The following TANGO6 variants were observed in gnomAD, a reference collection of about 807,000 sequenced individuals.
TANGO6 encodes transport and golgi organization 6 homolog.
Under a neutral mutation model 114.2 loss-of-function variants are expected in TANGO6, and 90 were observed. The observed-to-expected ratio is 0.79, with a 90% confidence interval of 0.66 to 0.94. The LOEUF is 0.94. Among genes scored for constraint, TANGO6 ranks in the 40% least tolerant of loss-of-function variants. TANGO6 has a pLI of 0.00. For missense variants in TANGO6, 1,274 were observed against 1,315.3 expected (o/e 0.97, Z 0.49); for synonymous variants, 477 against 509.8 (o/e 0.94, Z 0.87).
chr16:69,073,758 C>T (rs1960331099), intron 17 of TANGO6, among the ~76,000 whole-genome samples: 1 of 152,022 alleles, frequency 6.6e-6, no homozygotes, highest in Non-Finnish European at 1.5e-5. Flanking sequence ...TGTTTGAGAC[C>T]AGCCTGGCCA....
At chr16:69,066,970 C>T (rs1441858511) in intron 17 of TANGO6, among the ~76,000 whole-genome samples, 1 of 152,154 alleles carries the variant, frequency 6.6e-6, no homozygotes, top group East Asian at 1.9e-4. Context: ...AATCACGGCT[C>T]AGTATAGCCT....
At chr16:68,900,646 T>A in intron 8 of TANGO6, 100 bp downstream of exon 8, 1 of 965,942 alleles carries the variant, frequency 1.0e-6, no homozygotes, top group Non-Finnish European at 1.6e-6. Flanking sequence ...ACTTTGAAAT[T>A]ATCATTTCCT....
At chr16:69,071,695 TCAAA>T (rs562148333) in intron 17 of TANGO6, among the ~76,000 whole-genome samples, 14 of 152,230 alleles carry the variant, frequency 9.2e-5, no homozygotes, top group Non-Finnish European at 2.1e-4. Flanking sequence ...GTTTTTATAA[TCAAA>T]CAAATCAATT....
chr16:69,027,695 C>A (rs1247938015), intron 16 of TANGO6, among the ~76,000 whole-genome samples: 2 of 151,488 alleles, frequency 1.3e-5, no homozygotes, highest in South Asian at 4.2e-4. Flanking sequence ...TCTCTATTTT[C>A]TTGGTCTCTT....
intron 1 of TANGO6, among the ~76,000 whole-genome samples, chr16:68,858,026 A>C (rs938965921): frequency 2.6e-5 from 4 of 151,866 alleles, no homozygotes; most frequent in Non-Finnish European, 5.9e-5. Flanking sequence ...ATGATTCATC[A>C]GTGAAACCAT....
intron 11 of TANGO6, among the ~76,000 whole-genome samples, chr16:68,911,670 G>C (rs537617933): frequency 1.3e-5 from 2 of 152,106 alleles, no homozygotes; most frequent in South Asian, 4.2e-4. Flanking sequence ...ACCTGTCTCG[G>C]CCCAAAGTGC....
chr16:68,946,325 G>C (rs896386117), intron 14 of TANGO6, among the ~76,000 whole-genome samples: 4 of 151,760 alleles, frequency 2.6e-5, no homozygotes, highest in Admixed American at 6.6e-5. Flanking sequence ...CCGAGTAGCT[G>C]GGACTACAGG....
At chr16:68,898,946 CTTATTATTATTATTATTA>C (rs143073228) in intron 7 of TANGO6, among the ~76,000 whole-genome samples, 1 of 144,966 alleles carries the variant, frequency 6.9e-6, no homozygotes, top group Non-Finnish European at 1.5e-5. Context: ...AATTATCTGC[CTTATTATTATTATTATTA>C]TTATTATTAT....
intron 15 of TANGO6, among the ~76,000 whole-genome samples, chr16:68,974,875 G>C (rs1963747713): frequency 1.3e-5 from 2 of 152,038 alleles, no homozygotes; most frequent in Admixed American, 1.3e-4. Flanking sequence ...AGTCCAGCCT[G>C]GGTAACATGG....
intron 17 of TANGO6, among the ~76,000 whole-genome samples, chr16:69,075,169 G>C (rs956775932): frequency 1.4e-5 from 2 of 147,864 alleles, no homozygotes; most frequent in African/African-American, 5.0e-5. Flanking sequence ...TCCTTCCAAA[G>C]TCTGCTTTTT....
chr16:68,946,316 C>T lies in TANGO6; in HGVS notation c.2701+16021C>T, dbSNP rs140592225. On this transcript the variant is annotated intron_variant, in intron 14 of 17. Coordinates refer to ENST00000261778, the MANE Select transcript of TANGO6 (RefSeq NM_024562.2). ...ACGCCATTCTCCTGCCTCAGCCTCC[C>T]GAGTAGCTGGGACTACAGGCTCCCA... 2.6e-3 allele frequency among the ~76,000 whole-genome samples: 389 copies of T among 152,024 alleles called. 5 individuals carry two copies. The highest frequency in any genetic ancestry group is 8.9e-3 in the African/African-American group (370 of 41,462).
intron 15 of TANGO6, among the ~76,000 whole-genome samples, chr16:68,977,360 AATTTATTT>A (rs1167519571): frequency 6.6e-6 from 1 of 151,236 alleles, no homozygotes. Context: ...CAGAGAGTGA[AATTTATTT>A]ATTTATTTAT....
intron 7 of TANGO6, among the ~76,000 whole-genome samples, chr16:68,896,543 A>C (rs1321869953): frequency 6.6e-6 from 1 of 151,736 alleles, no homozygotes; most frequent in Non-Finnish European, 1.5e-5. Context: ...ACTCCTGGGC[A>C]CAAGTGATCT....
intron 7 of TANGO6, among the ~76,000 whole-genome samples, chr16:68,882,462 A>C (rs182960686): frequency 1.3e-4 from 19 of 151,878 alleles, no homozygotes; most frequent in Middle Eastern, 3.4e-3. Flanking sequence ...GCACCACTGC[A>C]CTCCAGCCTG....
intron 2 of TANGO6, among the ~76,000 whole-genome samples, chr16:68,862,457 A>G (rs1384160563): frequency 6.6e-6 from 1 of 151,980 alleles, no homozygotes; most frequent in Non-Finnish European, 1.5e-5. Context: ...TCGGCCTCCC[A>G]AAGTGCTGGG....
At chr16:68,939,322 G>A (rs1049399066) in intron 14 of TANGO6, among the ~76,000 whole-genome samples, 8 of 151,950 alleles carry the variant, frequency 5.3e-5, no homozygotes, top group East Asian at 1.9e-4. Context: ...CCCGGGAGGC[G>A]GAGGTTGCAG....
At chr16:68,999,928 G>A (rs1393580909) in intron 15 of TANGO6, among the ~76,000 whole-genome samples, 3 of 152,204 alleles carry the variant, frequency 2.0e-5, no homozygotes, top group Non-Finnish European at 4.4e-5. Context: ...TATCAGAGAT[G>A]TATATTGAAG....
At chr16:68,920,181 C>A (rs1461872985) in intron 12 of TANGO6, among the ~76,000 whole-genome samples, 2 of 152,174 alleles carry the variant, frequency 1.3e-5, no homozygotes, top group Admixed American at 1.3e-4. Context: ...AAGTCAGACA[C>A]TAAATGACTG....
chr16:68,867,024 G>A (rs2152161800), intron 3 of TANGO6, 55 bp from the exon 4 acceptor site: 3 of 873,554 alleles, frequency 3.4e-6, no homozygotes, highest in Non-Finnish European at 1.7e-6. Context: ...ACTACGCCCG[G>A]CCATCATATC....
Sources: allele counts gnomAD v4.1 joint callset (sites outside exome capture counted in the v4.1 genomes callset), GRCh38; gene constraint gnomAD v4.1.1; transcripts MANE v1.5; gene names NCBI Gene and HGNC (gene_info 2026-07-23, HGNC 2026-07-21).